HECTD4: variants seen among roughly 807,000 people sequenced by gnomAD.
The protein encoded by HECTD4 is probable E3 ubiquitin-protein ligase HECTD4.
Under a neutral mutation model 471.5 loss-of-function variants are expected in HECTD4, and 114 were observed. The ratio of observed to expected loss-of-function variants is 0.24; its 90% CI spans 0.21 to 0.28. The LOEUF is 0.28. Ranked by LOEUF, HECTD4 falls within the 10% of genes least tolerant of loss-of-function variation. The pLI is 1.00. For synonymous variants in HECTD4, 2,012 were observed against 2,256.0 expected (o/e 0.89, Z 3.07); for missense variants, 3,866 against 5,651.5 (o/e 0.68, Z 10.13).
rs889348300 is a variant in HECTD4 at position 112,214,783 on chromosome 12, T to G, written c.7465+1509A>C. ...GCTGAGATGTCTGAGTTATGCTTTG[T>G]GAAGTAAGAGAAAAATTTTTACTTT... On this transcript the variant is annotated intron_variant, in intron 48 of 75. Transcript: ENST00000682272. Among the ~76,000 whole-genome samples, 4 of 152,188 alleles carry G rather than the reference T, an allele frequency of 2.6e-5. No homozygotes were observed. The East Asian group carries it at 7.7e-4, about 29-fold the overall frequency.
At chr12:112,245,857 C>T (rs867180935) in intron 29 of HECTD4, among the ~76,000 whole-genome samples, 3 of 152,130 alleles carry the variant, frequency 2.0e-5, no homozygotes, top group Non-Finnish European at 4.4e-5. Flanking sequence ...CTAGGCCGGG[C>T]GTGGTGGCTC....
At chr12:112,354,985 ATT>A (rs1230962216) in intron 1 of HECTD4, among the ~76,000 whole-genome samples, 1 of 145,392 alleles carries the variant, frequency 6.9e-6, no homozygotes, top group Non-Finnish European at 1.5e-5. Context: ...TGGGATTTTA[ATT>A]TTTTTTTTTT....
chr12:112,217,949 TTC>T (rs1041045116), intron 45 of HECTD4, among the ~76,000 whole-genome samples: 3 of 152,164 alleles, frequency 2.0e-5, no homozygotes, highest in African/African-American at 7.2e-5. Flanking sequence ...AATCTCAAGC[TTC>T]TCTATCAGAT....
In HECTD4 at chr12:112,382,096, CGCCGCCGCCGCCGCG is replaced by C; in HGVS notation, c.18_32del (p.Ala11_Ala15del). 8.2e-7 allele frequency: 1 copy of C among 1,226,540 alleles called. No homozygotes were observed. The highest frequency in any genetic ancestry group is 1.0e-6 in the Non-Finnish European group (1 of 985,580). 76.0% of individuals were successfully genotyped at this position (1,226,540 alleles called of 1,614,324 possible). ...ACTGCGCCGAGTCAGCGGCCGCCGC[CGCCGCCGCCGCCGCG>C]GCCGCCGACGAGCCCATGGCCCCGG... is the stretch of plus-strand genomic sequence containing the variant. On this transcript the variant is annotated inframe_deletion, in exon 1 of 76. Coordinates refer to ENST00000682272, the MANE Select transcript of HECTD4 (RefSeq NM_001388303.1).
intron 66 of HECTD4, among the ~76,000 whole-genome samples, chr12:112,175,134 T>A (rs1224007692): frequency 6.6e-6 from 1 of 152,252 alleles, no homozygotes; most frequent in Non-Finnish European, 1.5e-5. Flanking sequence ...GGTAAGAAAC[T>A]GTTATGGGAC....
intron 35 of HECTD4, 106 bp downstream of exon 35, chr12:112,236,839 C>G (rs1289950367): frequency 1.9e-6 from 2 of 1,052,516 alleles, no homozygotes; most frequent in Admixed American, 6.8e-5. Flanking sequence ...GTCAAAATGG[C>G]CTAGTAATTT....
At chr12:112,269,139 CTG>C (rs1378381510) in intron 13 of HECTD4, among the ~76,000 whole-genome samples, 2 of 152,018 alleles carry the variant, frequency 1.3e-5, no homozygotes, top group Non-Finnish European at 2.9e-5. Flanking sequence ...TCCCAAAGTG[CTG>C]GGATTACAGG....
chr12:112,296,473 T>G (rs2035017628), intron 7 of HECTD4, among the ~76,000 whole-genome samples: 1 of 146,132 alleles, frequency 6.8e-6, no homozygotes, highest in Admixed American at 6.8e-5. Flanking sequence ...GTGCAGAGGA[T>G]GTAGGCACAC....
intron 52 of HECTD4, among the ~76,000 whole-genome samples, chr12:112,204,918 A>G (rs537987575): frequency 1.9e-4 from 29 of 152,178 alleles, no homozygotes; most frequent in African/African-American, 7.0e-4. Flanking sequence ...AGATTACTTG[A>G]GGCCAGGAGT....
intron 1 of HECTD4, among the ~76,000 whole-genome samples, chr12:112,338,540 A>C (rs1184977991): frequency 6.6e-6 from 1 of 152,092 alleles, no homozygotes; most frequent in Non-Finnish European, 1.5e-5. Context: ...GAATCGCTTG[A>C]ACCCAGGAGG....
rs550722860 is a variant in HECTD4, at chr12:112,243,603, C to T, written c.4791+17G>A. 106 of 1,606,154 alleles carry T rather than the reference C, an allele frequency of 6.6e-5. 1 individual carries two copies. In the East Asian group the frequency reaches 2.0e-3, roughly 31 times the overall value. On this transcript the variant is annotated intron_variant, in intron 31 of 75. Transcript: ENST00000682272. The surrounding 1 kb of genome is among the most constrained non-coding windows in gnomAD (Gnocchi z 6.6). ...TGTTAGGTGCTATTCATCTGGAGCC[C>T]GCAAAATGTGACGTACAGCTTGGTC...
intron 2 of HECTD4, among the ~76,000 whole-genome samples, chr12:112,317,165 G>T (rs1277519840): frequency 6.6e-6 from 1 of 152,192 alleles, no homozygotes; most frequent in Admixed American, 6.5e-5. Context: ...AATTGTCTCT[G>T]CATATGCAGA....
At chr12:112,258,638 C>G in intron 19 of HECTD4, 42 bp from the exon 20 acceptor site, 1 of 1,510,078 alleles carries the variant, frequency 6.6e-7, no homozygotes, top group South Asian at 1.2e-5. Flanking sequence ...GGGCTACTGT[C>G]AGTTATCTGA....
intron 1 of HECTD4, among the ~76,000 whole-genome samples, chr12:112,378,250 G>T (rs920660264): frequency 3.3e-5 from 5 of 151,810 alleles, no homozygotes; most frequent in African/African-American, 1.2e-4. Flanking sequence ...ACGGAGTCTC[G>T]CTATGTTGCC....
At chr12:112,191,870 T>G (rs573559251) in intron 59 of HECTD4, among the ~76,000 whole-genome samples, 1 of 152,334 alleles carries the variant, frequency 6.6e-6, no homozygotes, top group East Asian at 1.9e-4. Context: ...CCTGTTATTT[T>G]GGCTAAAAGT....
At chr12:112,181,295 T>A (rs1382196898) in intron 62 of HECTD4, among the ~76,000 whole-genome samples, 2 of 152,166 alleles carry the variant, frequency 1.3e-5, no homozygotes, top group Non-Finnish European at 2.9e-5. Flanking sequence ...TTATTTAAAA[T>A]TTTAACACTT....
At position 112,243,399 on chromosome 12, in the gene HECTD4, T is replaced by C. The variant is rs1160838286; in HGVS notation, c.4912A>G (p.Thr1638Ala). 1.2e-6 allele frequency: 2 copies of C among 1,612,692 alleles called. No individual in the cohort carries two copies. The highest frequency in any genetic ancestry group is 2.2e-5 in the South Asian group (2 of 90,744). Residue 1638 changes from threonine to alanine, a missense_variant, in exon 32 of 76, where the codon ACG becomes GCG. Transcript: ENST00000682272. This position sits in a 1 kb window ranked among gnomAD's most constrained non-coding sequence, Gnocchi z 6.6. Reference protein sequence around the residue: ...LTAAVRVGGVTHLVGPVTMVL... With the variant: ...LTAAVRVGGVAHLVGPVTMVL... ...ATCGTCACTGGACCCACAAGATGCG[T>C]CACTCCCCCGACTCGTACGGCAGCT... is the stretch of plus-strand genomic sequence containing the variant.
intron 1 of HECTD4, among the ~76,000 whole-genome samples, chr12:112,329,216 G>A (rs1462443715): frequency 6.6e-6 from 1 of 152,074 alleles, no homozygotes; most frequent in East Asian, 1.9e-4. Context: ...GAGAAACTCT[G>A]ATTTCCTCTC....
At chr12:112,325,323 T>C (rs557414356) in intron 1 of HECTD4, among the ~76,000 whole-genome samples, 45 of 152,260 alleles carry the variant, frequency 3.0e-4, no homozygotes, top group Non-Finnish European at 5.9e-4. Context: ...GTTGTGTTTA[T>C]TGATTTAGCA....
Sources: allele counts gnomAD v4.1 joint callset (sites outside exome capture counted in the v4.1 genomes callset), GRCh38; gene constraint gnomAD v4.1.1; non-coding constraint Gnocchi (gnomAD v3.1); transcripts MANE v1.5; gene names NCBI Gene and HGNC (gene_info 2026-07-23, HGNC 2026-07-21).